GEMIN5: variants seen among roughly 807,000 people sequenced by gnomAD.
GEMIN5 encodes the protein gem nuclear organelle associated protein 5.
Under a neutral mutation model 176.9 loss-of-function variants are expected in GEMIN5, and 124 were observed. That is an observed-to-expected ratio of 0.70 (90% CI 0.61 to 0.81). GEMIN5 has a LOEUF of 0.81. Ranked by LOEUF, GEMIN5 falls within the 40% of genes least tolerant of loss-of-function variation. The pLI is 0.00. For synonymous variants in GEMIN5, 673 were observed against 665.2 expected, an observed-to-expected ratio of 1.01 and a Z score of -0.18; for missense variants, 1,843 against 1,814.6, an observed-to-expected ratio of 1.02 and a Z score of -0.28.
chr5:154,930,363 A>G (rs1764136255), intron 5 of GEMIN5, among the ~76,000 whole-genome samples: 1 of 152,230 alleles, frequency 6.6e-6, no homozygotes, highest in Non-Finnish European at 1.5e-5. Flanking sequence ...ACCCTTCTAT[A>G]GAAGTACATT....
chr5:154,915,246 T>C (rs548677774), intron 13 of GEMIN5, among the ~76,000 whole-genome samples: 105 of 152,300 alleles, frequency 6.9e-4, no homozygotes, highest in African/African-American at 2.5e-3. Context: ...TTTTTTCTTG[T>C]TACACATAGG....
chr5:154,889,787 A>G (rs1763187264), intron 26 of GEMIN5, among the ~76,000 whole-genome samples: 1 of 152,028 alleles, frequency 6.6e-6, no homozygotes, highest in African/African-American at 2.4e-5. Flanking sequence ...GGCTTATTTC[A>G]CTCAGCATGA....
intron 8 of GEMIN5, among the ~76,000 whole-genome samples, chr5:154,924,765 G>A (rs1032360218): frequency 2.6e-5 from 4 of 152,042 alleles, no homozygotes; most frequent in East Asian, 1.9e-4. Context: ...AGAGGCGGGC[G>A]GATCACGAGG....
chr5:154,904,389 A>G, intron 18 of GEMIN5, 118 bp downstream of exon 18: 2 of 924,914 alleles, frequency 2.2e-6, no homozygotes, highest in Non-Finnish European at 1.7e-6. Flanking sequence ...TGGAGAACAT[A>G]AAAATACAGA....
chr5:154,898,705 T>C, intron 22 of GEMIN5, 55 bp from the exon 23 acceptor site: 2 of 1,336,510 alleles, frequency 1.5e-6, no homozygotes. Flanking sequence ...TTTATTCCCA[T>C]TCCTAGAGGA....
At chr5:154,937,420 T>G (rs1764292464) in intron 1 of GEMIN5, among the ~76,000 whole-genome samples, 1 of 152,250 alleles carries the variant, frequency 6.6e-6, no homozygotes, top group Non-Finnish European at 1.5e-5. Flanking sequence ...AATGTTGATA[T>G]ACCTTGCTCT....
intron 6 of GEMIN5, among the ~76,000 whole-genome samples, chr5:154,928,195 ATAT>A: frequency 6.6e-6 from 1 of 152,302 alleles, no homozygotes; most frequent in Admixed American, 6.5e-5. Flanking sequence ...CTAAGAGAAA[ATAT>A]TATAACCATC....
In GEMIN5 at chr5:154,891,524, C is replaced by T. The variant is rs373956184; in HGVS notation, c.3979G>A (p.Asp1327Asn). The T allele has an allele frequency of 1.7e-5, 27 of 1,614,148 alleles. No homozygotes were observed. Among genetic ancestry groups the T allele is most frequent in the Non-Finnish European group, 2.3e-5 (27 of 1,180,034 alleles). The change falls in exon 26 of 28, where the codon GAC (aspartate) becomes AAC (asparagine). Residue 1327 changes from aspartate to asparagine, a missense_variant. Coordinates refer to ENST00000285873, the MANE Select transcript of GEMIN5 (RefSeq NM_015465.5). ...GGCTCTGGCTGAGAAGTTTCAGGGT[C>T]CGTTTCTTCAGTGCTGGCAGTGTCT... ...QLDTASTEET[D>N]PETSQPEPNR...
At chr5:154,897,757 T>C (rs751899179) in intron 23 of GEMIN5, among the ~76,000 whole-genome samples, 3 of 152,114 alleles carry the variant, frequency 2.0e-5, no homozygotes, top group Non-Finnish European at 4.4e-5. Context: ...TTTTTTTCCA[T>C]AGCTTACAGT....
intron 15 of GEMIN5, 124 bp from the exon 16 acceptor site, chr5:154,907,942 T>C: frequency 1.5e-6 from 1 of 681,108 alleles, no homozygotes; most frequent in Non-Finnish European, 2.6e-6. Context: ...TTCTTCTCAA[T>C]GAACTTTTAG....
At position 154,930,196 on chromosome 5, in the gene GEMIN5, C is replaced by A. The variant is rs114951927; in HGVS notation, c.781+1262G>T. 5.2e-3 allele frequency among the ~76,000 whole-genome samples: 790 copies of A among 152,306 alleles called. 5 individuals are homozygous for A. The highest frequency in any genetic ancestry group is 0.018 in the African/African-American group (741 of 41,548). On this transcript the variant is annotated intron_variant, in intron 5 of 27. Coordinates refer to ENST00000285873, the MANE Select transcript of GEMIN5 (RefSeq NM_015465.5). ...ATCAAACCACTTACCCCGGCACTCT[C>A]TTTAAATCAGCGAATCAGAATTAGT...
chr5:154,907,476 G>T, intron 16 of GEMIN5, 115 bp downstream of exon 16: 3 of 493,760 alleles, frequency 6.1e-6, no homozygotes, highest in Non-Finnish European at 1.1e-5. Flanking sequence ...AACTAATGCT[G>T]TTTCCAAGAG....
chr5:154,909,787 T>C (rs979532025), intron 15 of GEMIN5, among the ~76,000 whole-genome samples: 9 of 152,092 alleles, frequency 5.9e-5, no homozygotes, highest in African/African-American at 2.2e-4. Context: ...AATACCAGCC[T>C]AGCCAACATG....
At position 154,913,010 on chromosome 5, in the gene GEMIN5, A is replaced by T; in HGVS notation, c.1884T>A (p.Ile628=). Residue 628 remains isoleucine, a synonymous_variant, in exon 14 of 28, where the codon ATT becomes ATA. Coordinates refer to ENST00000285873, the MANE Select transcript of GEMIN5 (RefSeq NM_015465.5). The stretch of plus-strand genomic sequence containing the variant: ...CTGAGAGGGTCCGGTAGGGCTCTGT[A>T]ATGGTCACTGGAGACTCAGGGCTGC... ...IESSPESPVT[I]TEPYRTLSGH... 6.2e-7 allele frequency: 1 copy of T among 1,613,662 alleles called. No homozygotes were observed. Among genetic ancestry groups the T allele is most frequent in the Non-Finnish European group, 8.5e-7 (1 of 1,179,670 alleles).
At chr5:154,889,802 C>T (rs1053556141) in intron 26 of GEMIN5, among the ~76,000 whole-genome samples, 1 of 152,180 alleles carries the variant, frequency 6.6e-6, no homozygotes, top group African/African-American at 2.4e-5. Flanking sequence ...GCATGATGTC[C>T]TCCCTTCGTA....
chr5:154,929,203 G>A (rs994151566), intron 5 of GEMIN5, among the ~76,000 whole-genome samples: 21 of 152,280 alleles, frequency 1.4e-4, no homozygotes, highest in Admixed American at 9.2e-4. Flanking sequence ...CAGCCTGGGC[G>A]ACAGAGAGAG....
intron 5 of GEMIN5, among the ~76,000 whole-genome samples, chr5:154,930,535 C>T (rs561285477): frequency 1.1e-4 from 16 of 152,282 alleles, no homozygotes; most frequent in South Asian, 2.1e-4. Context: ...TGCTGACATA[C>T]GGTACCAACA....
At chr5:154,931,720 AATG>A in intron 4 of GEMIN5, 143 bp from the exon 5 acceptor site, 2 of 666,982 alleles carry the variant, frequency 3.0e-6, no homozygotes. Flanking sequence ...GTATAATTAA[AATG>A]ATATAATTCG....
At chr5:154,917,816 A>G in intron 12 of GEMIN5, 115 bp downstream of exon 12, 1 of 721,580 alleles carries the variant, frequency 1.4e-6, no homozygotes, top group East Asian at 2.6e-5. Flanking sequence ...AGAATAAATC[A>G]AAATACCAAA....
Sources: allele counts gnomAD v4.1 joint callset (sites outside exome capture counted in the v4.1 genomes callset), GRCh38; gene constraint gnomAD v4.1.1; transcripts MANE v1.5; gene names NCBI Gene and HGNC (gene_info 2026-07-23, HGNC 2026-07-21).